The following REV3L variants were observed in gnomAD, a reference collection of about 807,000 sequenced individuals.
REV3L encodes the protein REV3 like, DNA directed polymerase zeta catalytic subunit.
In REV3L, 69 loss-of-function variants were observed where a neutral mutation model predicts 299.4. The ratio of observed to expected loss-of-function variants is 0.23; its 90% CI spans 0.19 to 0.28. The LOEUF (loss-of-function observed/expected upper bound fraction) is 0.28. REV3L is among the 10% of genes least tolerant of loss of function. The probability of loss-of-function intolerance (pLI) is 1.00; values close to 1 mark genes in which losing one functional copy is unlikely to be tolerated. For synonymous variants in REV3L, 1,238 were observed against 1,271.4 expected (o/e 0.97, Z 0.56); for missense variants, 3,128 against 3,693.8 (o/e 0.85, Z 3.97).
At chr6:111,463,001 A>G (rs1484430291) in intron 1 of REV3L, among the ~76,000 whole-genome samples, 1 of 151,996 alleles carries the variant, frequency 6.6e-6, no homozygotes, top group Non-Finnish European at 1.5e-5. Flanking sequence ...ATCAAGTGTA[A>G]GAGAATGAGA....
In REV3L at chr6:111,374,575, T is replaced by C; in HGVS notation, c.3780A>G (p.Leu1260=). The C allele has an allele frequency of 1.2e-6, 2 of 1,613,980 alleles. No individual in the cohort carries two copies. Among genetic ancestry groups the C allele is most frequent in the Non-Finnish European group, 8.5e-7 (1 of 1,179,938 alleles). The part of the protein sequence containing the change: ...EFASSSGGSQ[L]LFKQKDMPLM... ...GTGGCATATCTTTCTGTTTAAAAAG[T>C]AGTTGAGAGCCTCCAGAACTACTTG... Residue 1260 remains leucine (L), a synonymous_variant, in exon 13 of 32, where the codon CTA becomes CTG. Transcript: ENST00000368802.
Position 111,333,054 on chromosome 6 carries a change from G to A in REV3L, c.7925+69C>T, listed in dbSNP as rs973118682. ...GGTGTCCAGAGCAAAGAGACACTCA[G>A]AAAGTGTCTAATTTTAGTAAGAAGT... On this transcript the variant is annotated intron_variant, in intron 23 of 31. Transcript: ENST00000368802. The A allele has an allele frequency of 1.4e-5, 22 of 1,551,190 alleles. No homozygotes were observed. In the African/African-American group the frequency reaches 2.4e-4, roughly 17 times the overall value.
At chr6:111,308,523 G>C (rs1772596729) in intron 30 of REV3L, among the ~76,000 whole-genome samples, 2 of 152,182 alleles carry the variant, frequency 1.3e-5, no homozygotes, top group South Asian at 2.1e-4. Flanking sequence ...GGTTTCTACA[G>C]AAGGCATATC....
intron 13 of REV3L, among the ~76,000 whole-genome samples, chr6:111,371,300 T>C (rs1779770740): frequency 6.6e-6 from 1 of 152,334 alleles, no homozygotes; most frequent in African/African-American, 2.4e-5. Flanking sequence ...CCATAACTAC[T>C]TAACTACTGA....
At chr6:111,349,371 CAG>C (rs955819332) in intron 19 of REV3L, 35 bp from the exon 20 acceptor site, 2 of 1,010,856 alleles carry the variant, frequency 2.0e-6, no homozygotes, top group African/African-American at 3.2e-5. Context: ...TCAGGGCTCA[CAG>C]AAAACAAACT....
rs981545908 is a variant in REV3L at position 111,307,464 on chromosome 6, T to C, written c.9149A>G (p.Gln3050Arg). 1 of 1,614,068 alleles carries C rather than the reference T, an allele frequency of 6.2e-7. No homozygotes were observed. The highest frequency in any genetic ancestry group is 8.5e-7 in the Non-Finnish European group (1 of 1,179,894). ...CCGACATTTACTACAGATGCCATGC[T>C]GAGTTAGGTCATCACACACAGGACA... ...LHCPVCDDLTQHGICSKCRSQ... is the reference protein window; with the variant it reads ...LHCPVCDDLTRHGICSKCRSQ... Residue 3050 changes from glutamine (Q) to arginine (R), a missense_variant, in exon 31 of 32, where the codon CAG becomes CGG. Physicochemically the swap from Gln to Arg is conservative, Grantham distance 43. Transcript: ENST00000368802.
intron 9 of REV3L, among the ~76,000 whole-genome samples, chr6:111,387,479 C>T (rs1302060358): frequency 6.6e-6 from 1 of 152,000 alleles, no homozygotes; most frequent in Admixed American, 6.6e-5. Flanking sequence ...CTACGCCAAG[C>T]AGAACATCAT....
chr6:111,465,062 GT>G (rs2128329643), intron 1 of REV3L, among the ~76,000 whole-genome samples: 2 of 150,662 alleles, frequency 1.3e-5, no homozygotes, highest in South Asian at 4.2e-4. Flanking sequence ...AAAGGAAAGG[GT>G]AAAATAAAGT....
chr6:111,329,255 G>A (rs1344107105), intron 25 of REV3L, among the ~76,000 whole-genome samples: 5 of 150,538 alleles, frequency 3.3e-5, no homozygotes, highest in South Asian at 2.1e-4. Flanking sequence ...TGTTGACCAC[G>A]CTGGTCGCGA....
intron 10 of REV3L, among the ~76,000 whole-genome samples, chr6:111,380,488 T>C (rs1242855781): frequency 6.6e-6 from 1 of 152,164 alleles, no homozygotes; most frequent in Non-Finnish European, 1.5e-5. Flanking sequence ...CTCGATCTCC[T>C]GACCTCGTGA....
chr6:111,482,138 G>T (rs577559617), intron 1 of REV3L, among the ~76,000 whole-genome samples: 33 of 152,134 alleles, frequency 2.2e-4, no homozygotes, highest in Admixed American at 1.3e-4. Context: ...TAAACTCTAA[G>T]GAGTCACGAC....
intron 19 of REV3L, among the ~76,000 whole-genome samples, chr6:111,350,823 A>T (rs535459441): frequency 6.6e-6 from 1 of 151,650 alleles, no homozygotes; most frequent in African/African-American, 2.4e-5. Flanking sequence ...TCCAGGGCTC[A>T]AGCAAGCCTC....
chr6:111,458,417 T>C (rs1379177789), intron 1 of REV3L, among the ~76,000 whole-genome samples: 1 of 152,122 alleles, frequency 6.6e-6, no homozygotes, highest in Non-Finnish European at 1.5e-5. Context: ...AACATAGTAA[T>C]GGAAGTCCTA....
At chr6:111,464,610 G>C (rs1316842542) in intron 1 of REV3L, among the ~76,000 whole-genome samples, 1 of 151,710 alleles carries the variant, frequency 6.6e-6, no homozygotes, top group African/African-American at 2.4e-5. Context: ...GAACTCTTAA[G>C]AGATAAGAAA....
At position 111,374,111 on chromosome 6, in the gene REV3L, T is replaced by C. The variant is rs139241841; in HGVS notation, c.4244A>G (p.Tyr1415Cys). The change falls in exon 13 of 32, where the codon TAT becomes TGT. Residue 1415 changes from tyrosine to cysteine, a missense_variant. Tyr to Cys is a radical substitution (Grantham distance 194). Around this residue, in one of 9 missense-constraint regions of REV3L, gnomAD observed 2,409 missense variants for 2,611.8 expected, o/e 0.92. Transcript: ENST00000368802. ...NSLESKLDQA[Y>C]TPNFLHCKDS... ...TTTGCAATGCAAAAAATTAGGGGTATATGCTTGGTCCAGCTTTGATTCTAG... is the reference window on the plus strand; with the variant it reads ...TTTGCAATGCAAAAAATTAGGGGTACATGCTTGGTCCAGCTTTGATTCTAG... 12 of 1,614,052 alleles carry C rather than the reference T, an allele frequency of 7.4e-6. No homozygotes were observed. The highest frequency in any genetic ancestry group is 6.7e-5 in the African/African-American group (5 of 74,934).
At position 111,367,178 on chromosome 6, in the gene REV3L, T is replaced by C. The variant is rs761125896; in HGVS notation, c.6610A>G (p.Ile2204Val). ...CESLCFHSTP[I>V]IQRKLLERLP... The stretch of plus-strand genomic sequence containing the variant: ...CTTTCCAGAAGTTTTCTCTGTATGA[T>C]TGGTGTACTATGAAAGCAAAGTGAT... Residue 2204 changes from isoleucine to valine, a missense_variant, in exon 14 of 32, where the codon ATC becomes GTC. Coordinates refer to ENST00000368802, the MANE Select transcript of REV3L (RefSeq NM_001372078.1). The C allele has an allele frequency of 7.4e-6, 12 of 1,613,306 alleles. No individual in the cohort carries two copies. Among genetic ancestry groups the C allele is most frequent in the Admixed American group, 1.7e-5 (1 of 59,880 alleles).
At chr6:111,479,961 A>T (rs1380792084) in intron 1 of REV3L, among the ~76,000 whole-genome samples, 4 of 152,258 alleles carry the variant, frequency 2.6e-5, no homozygotes, top group African/African-American at 9.6e-5. Flanking sequence ...TGTTTTCTAA[A>T]GCAGAAAAAT....
At chr6:111,392,815 G>T in intron 5 of REV3L, 61 bp downstream of exon 5, 1 of 1,057,296 alleles carries the variant, frequency 9.5e-7, no homozygotes, top group Non-Finnish European at 1.5e-6. Context: ...GGTAACCACT[G>T]ATTTCTGATC....
chr6:111,373,015 A>ACTC lies in REV3L; in HGVS notation c.5337_5339dup (p.Arg1779dup). 1 of 1,614,034 alleles carries ACTC rather than the reference A, an allele frequency of 6.2e-7. No homozygotes were observed. The highest frequency in any genetic ancestry group is 8.5e-7 in the Non-Finnish European group (1 of 1,179,982). ...TAAGAAACACTTCTTTGCTTACTGA[A>ACTC]CTCCTATTCAATCTAGATTTTTCAC... is the stretch of plus-strand genomic sequence containing the variant. On this transcript the variant is annotated inframe_insertion, in exon 13 of 32. Coordinates refer to ENST00000368802, the MANE Select transcript of REV3L (RefSeq NM_001372078.1).
Sources: allele counts gnomAD v4.1 joint callset (sites outside exome capture counted in the v4.1 genomes callset), GRCh38; gene constraint gnomAD v4.1.1; regional missense constraint gnomAD v4.1.1; transcripts MANE v1.5; gene names NCBI Gene and HGNC (gene_info 2026-07-23, HGNC 2026-07-21).